Variants in SPMIP11 observed in about 807,000 individuals in gnomAD.
SPMIP11 encodes the protein long intergenic non-protein coding RNA 935.
chr12:48,754,822 CT>C, the SPMIP11 span, among the ~76,000 whole-genome samples: 1 of 151,920 alleles, frequency 6.6e-6, no homozygotes, highest in Non-Finnish European at 1.5e-5. Flanking sequence ...TCACAGCCCA[CT>C]GCAGCTTCAA....
the SPMIP11 span, among the ~76,000 whole-genome samples, chr12:48,754,045 A>G: frequency 1.3e-5 from 2 of 152,150 alleles, no homozygotes; most frequent in South Asian, 4.2e-4. Flanking sequence ...CCAAGAATGA[A>G]TTGGCCAGAG....
At chr12:48,737,189 A>G in the SPMIP11 span, among the ~76,000 whole-genome samples, 5 of 151,896 alleles carry the variant, frequency 3.3e-5, no homozygotes, top group African/African-American at 1.2e-4. Flanking sequence ...GCAATCAAGC[A>G]ATCTGCTTGC....
chr12:48,757,927 G>C, the SPMIP11 span, among the ~76,000 whole-genome samples: 1 of 152,082 alleles, frequency 6.6e-6, no homozygotes, highest in African/African-American at 2.4e-5. Flanking sequence ...CCGGCAGATA[G>C]ATGTTGCAGT....
chr12:48,768,943 T>G, the SPMIP11 span: 9 of 1,610,582 alleles, frequency 5.6e-6, no homozygotes, highest in Non-Finnish European at 7.6e-6. Flanking sequence ...TCACCTGGAT[T>G]CGGTCGGGGA....
At chr12:48,764,752 A>G in the SPMIP11 span, 2 of 632,406 alleles carry the variant, frequency 3.2e-6, no homozygotes, top group Non-Finnish European at 5.7e-6. Flanking sequence ...CCGGCCAAGC[A>G]GTTGCTGGGC....
At chr12:48,759,346 G>T in the SPMIP11 span, 1 of 702,600 alleles carries the variant, frequency 1.4e-6, no homozygotes, top group Non-Finnish European at 2.6e-6. Flanking sequence ...GTACCTTGGG[G>T]TGGGCATCAT....
chr12:48,729,830 T>C, the SPMIP11 span, among the ~76,000 whole-genome samples: 3 of 152,116 alleles, frequency 2.0e-5, no homozygotes, highest in African/African-American at 7.2e-5. Flanking sequence ...CAGGCAAGAT[T>C]TGTACAAAGG....
the SPMIP11 span, among the ~76,000 whole-genome samples, chr12:48,731,191 T>C: frequency 6.6e-6 from 1 of 151,882 alleles, no homozygotes; most frequent in Non-Finnish European, 1.5e-5. Flanking sequence ...TCAGTTGGGC[T>C]TTCATAAAGA....
the SPMIP11 span, among the ~76,000 whole-genome samples, chr12:48,734,954 G>A: frequency 4.3e-5 from 6 of 139,318 alleles, no homozygotes; most frequent in South Asian, 2.3e-4. Flanking sequence ...GCAGTGAGCC[G>A]AGTAGCGCCA....
the SPMIP11 span, among the ~76,000 whole-genome samples, chr12:48,740,487 GTC>G: frequency 6.7e-6 from 1 of 148,688 alleles, no homozygotes; most frequent in Non-Finnish European, 1.5e-5. Flanking sequence ...TTTCATAAAT[GTC>G]TCTCTTTTTT....
the SPMIP11 span, among the ~76,000 whole-genome samples, chr12:48,762,516 C>T: frequency 3.3e-5 from 5 of 150,854 alleles, no homozygotes; most frequent in Non-Finnish European, 5.9e-5. Context: ...TACAGGCACC[C>T]GCCACCATGC....
At chr12:48,763,203 T>G in the SPMIP11 span, among the ~76,000 whole-genome samples, 1 of 152,268 alleles carries the variant, frequency 6.6e-6, no homozygotes, top group Admixed American at 6.5e-5. Flanking sequence ...AGAATCTTGC[T>G]CTGTTGCCCA....
At chr12:48,756,279 C>T in the SPMIP11 span, among the ~76,000 whole-genome samples, 1 of 152,054 alleles carries the variant, frequency 6.6e-6, no homozygotes, top group African/African-American at 2.4e-5. Context: ...AGGAAATGGC[C>T]TCGTTGCTAT....
the SPMIP11 span, among the ~76,000 whole-genome samples, chr12:48,750,021 C>T: frequency 6.6e-6 from 1 of 151,744 alleles, no homozygotes; most frequent in African/African-American, 2.4e-5. Context: ...TCTCTTGAGC[C>T]CACACCAACC....
chr12:48,738,325 A>G, the SPMIP11 span, among the ~76,000 whole-genome samples: 2 of 152,092 alleles, frequency 1.3e-5, no homozygotes, highest in Non-Finnish European at 2.9e-5. Context: ...CTGGCTCAGA[A>G]TCTCTCACAT....
At chr12:48,756,178 C>T in the SPMIP11 span, among the ~76,000 whole-genome samples, 3 of 152,076 alleles carry the variant, frequency 2.0e-5, no homozygotes, top group South Asian at 2.1e-4. Context: ...CCACCGTGCC[C>T]GGCCTCCTCA....
the SPMIP11 span, among the ~76,000 whole-genome samples, chr12:48,740,660 CTT>C: frequency 2.3e-4 from 32 of 141,732 alleles, no homozygotes; most frequent in Non-Finnish European, 2.3e-4. Context: ...ACCTGGCCAA[CTT>C]TTTTTTTTTT....
the SPMIP11 span, among the ~76,000 whole-genome samples, chr12:48,742,278 C>CTT: frequency 2.9e-5 from 4 of 135,926 alleles, no homozygotes; most frequent in African/African-American, 1.2e-4. Flanking sequence ...TTTTCTTTTC[C>CTT]TTTTTTTTTT....
the SPMIP11 span, among the ~76,000 whole-genome samples, chr12:48,743,478 AG>A: frequency 1.3e-5 from 2 of 152,188 alleles, no homozygotes; most frequent in East Asian, 3.8e-4. Flanking sequence ...TCGGGAGAGA[AG>A]GGGAATCACA....
Sources: gnomAD v4.1 joint callset for allele counts (sites outside exome capture counted in the v4.1 genomes callset) on GRCh38, gnomAD v4.1.1 for gene constraint, MANE v1.5 for transcripts, NCBI Gene and HGNC (gene_info 2026-07-23, HGNC 2026-07-21) for gene names.